Variants in ARSJ observed in about 807,000 individuals in gnomAD.
ARSJ encodes the protein arylsulfatase family member J.
ARSJ carries 26 observed loss-of-function variants against 35.9 expected under a neutral mutation model. That is an observed-to-expected ratio of 0.72 (90% CI 0.53 to 1.00). The LOEUF (loss-of-function observed/expected upper bound fraction) is 1.00. Among genes scored for constraint, ARSJ ranks in the 50% least tolerant of loss-of-function variants. The pLI is 0.00. For synonymous variants in ARSJ, 294 were observed against 267.6 expected, an observed-to-expected ratio of 1.10 and a Z score of -0.96; for missense variants, 667 against 723.6, an observed-to-expected ratio of 0.92 and a Z score of 0.90.
At chr4:113,962,945 A>C (rs1213640389) in intron 1 of ARSJ, among the ~76,000 whole-genome samples, 1 of 151,988 alleles carries the variant, frequency 6.6e-6, no homozygotes, top group Non-Finnish European at 1.5e-5. Context: ...GCTGTCCTGT[A>C]ATGGTACTTG....
In ARSJ at chr4:113,902,011, A is replaced by G; in HGVS notation, c.*263T>C. On this transcript the variant is annotated 3_prime_UTR_variant, in exon 2 of 2. Transcript: ENST00000315366. ...CTGAAGCACAGCAGTGGAACTCAGG[A>G]CTCACCACGTTTTCTAAAGGAGCAA... 1 of 957,322 alleles carries G rather than the reference A, an allele frequency of 1.0e-6. No homozygotes were observed. The highest frequency in any genetic ancestry group is 3.1e-5 in the East Asian group (1 of 31,760). The allele number at this position is 957,322 out of a possible 1,614,324, so 59.3% of individuals were successfully genotyped here. A position where few individuals can be genotyped will look rare whatever the true frequency, so the allele number is the denominator to read the frequency against.
At chr4:113,975,308 C>G (rs186634149) in intron 1 of ARSJ, among the ~76,000 whole-genome samples, 1 of 152,102 alleles carries the variant, frequency 6.6e-6, no homozygotes. Context: ...AGTAAAAACA[C>G]AAAATTACTA....
intron 1 of ARSJ, among the ~76,000 whole-genome samples, chr4:113,935,423 G>A (rs537193884): frequency 1.5e-4 from 23 of 151,824 alleles, no homozygotes; most frequent in Non-Finnish European, 3.1e-4. Flanking sequence ...ATATAAAAAG[G>A]AGCTAAATAA....
chr4:113,924,880 C>A (rs1184235345), intron 1 of ARSJ, among the ~76,000 whole-genome samples: 1 of 152,158 alleles, frequency 6.6e-6, no homozygotes, highest in Non-Finnish European at 1.5e-5. Flanking sequence ...TCTTCTACTA[C>A]ACATTCTGTA....
Position 113,902,412 on chromosome 4 carries a change from C to T in ARSJ, c.1662G>A (p.Trp554Ter). ...PRLNGGVWGPWYKEETKKKKP... is the reference protein window; with the variant it reads ...PRLNGGVWGP ...TCTTTTTCTTGGTTTCCTCTTTATA[C>T]CATGGTCCCCAGACCCCTCCATTGA... Residue 554 changes from tryptophan (W) to a stop codon, truncating the protein, a stop_gained, in exon 2 of 2, where the codon TGG (tryptophan) becomes TGA (stop). Coordinates refer to ENST00000315366, the MANE Select transcript of ARSJ (RefSeq NM_024590.4). LOFTEE classifies it low-confidence loss of function (END_TRUNC). The T allele has an allele frequency of 6.2e-7, 1 of 1,613,902 alleles. No homozygotes were observed. The highest frequency in any genetic ancestry group is 8.5e-7 in the Non-Finnish European group (1 of 1,179,964).
intron 1 of ARSJ, among the ~76,000 whole-genome samples, chr4:113,929,556 C>T (rs1159890263): frequency 6.6e-6 from 1 of 152,122 alleles, no homozygotes; most frequent in African/African-American, 2.4e-5. Flanking sequence ...CATCCCCATT[C>T]CAAGTTGCAG....
intron 1 of ARSJ, among the ~76,000 whole-genome samples, chr4:113,969,516 A>G (rs895656684): frequency 6.6e-6 from 1 of 152,206 alleles, no homozygotes; most frequent in Non-Finnish European, 1.5e-5. Context: ...TTTACTTTAA[A>G]ATTACATAAT....
chr4:113,927,842 T>C lies in ARSJ; in HGVS notation c.399-24167A>G, dbSNP rs147661754. Reference sequence around the variant, plus strand: ...TTCAAGTCCTTGATGGTGACACTAATCTCTGCAATCCATCCAGGGATACAA... The same window carrying C: ...TTCAAGTCCTTGATGGTGACACTAACCTCTGCAATCCATCCAGGGATACAA... On this transcript the variant is annotated intron_variant, in intron 1 of 1. Transcript: ENST00000315366. Among the ~76,000 whole-genome samples the C allele has an allele frequency of 4.9e-3, 739 of 152,230 alleles. 8 individuals are homozygous for C. The highest frequency in any genetic ancestry group is 0.016 in the African/African-American group (649 of 41,556).
intron 1 of ARSJ, among the ~76,000 whole-genome samples, chr4:113,928,088 C>G (rs1222152916): frequency 6.6e-6 from 1 of 152,122 alleles, no homozygotes; most frequent in Admixed American, 6.6e-5. Flanking sequence ...CAGACCTGAG[C>G]TAAAATCCCA....
intron 1 of ARSJ, among the ~76,000 whole-genome samples, chr4:113,933,179 C>T (rs561879436): frequency 4.0e-5 from 6 of 151,688 alleles, no homozygotes; most frequent in Non-Finnish European, 5.9e-5. Context: ...AAAATGTCAA[C>T]AAACCTATAG....
chr4:113,969,215 C>G (rs1727084005), intron 1 of ARSJ, among the ~76,000 whole-genome samples: 1 of 152,118 alleles, frequency 6.6e-6, no homozygotes, highest in Non-Finnish European at 1.5e-5. Context: ...ACATGACAAC[C>G]AACAACAACT....
chr4:113,931,419 G>T (rs1724441503), intron 1 of ARSJ, among the ~76,000 whole-genome samples: 1 of 151,984 alleles, frequency 6.6e-6, no homozygotes, highest in Admixed American at 6.6e-5. Flanking sequence ...GAAGAAGGAG[G>T]TTATTTGAGC....
At chr4:113,914,471 C>T (rs1046920550) in intron 1 of ARSJ, among the ~76,000 whole-genome samples, 1 of 80,804 alleles carries the variant, frequency 1.2e-5, no homozygotes, top group Admixed American at 1.4e-4. Context: ...TTCCAGAAAA[C>T]AGCCCAACAA....
chr4:113,962,596 G>T (rs951315926), intron 1 of ARSJ, among the ~76,000 whole-genome samples: 2 of 150,344 alleles, frequency 1.3e-5, no homozygotes, highest in African/African-American at 4.9e-5. Flanking sequence ...TGCTCTATCT[G>T]CAGAATATAC....
Position 113,978,818 on chromosome 4 carries a change from C to A in ARSJ, c.17G>T (p.Cys6Phe). Residue 6 changes from cysteine to phenylalanine, a missense_variant, in exon 1 of 2, where the codon TGT becomes TTT. Cys to Phe is a radical substitution (Grantham distance 205, BLOSUM62 -2). Coordinates refer to ENST00000315366, the MANE Select transcript of ARSJ (RefSeq NM_024590.4). The stretch of plus-strand genomic sequence containing the variant: ...AGAAGGCGGAGGCGGATGCCCCGCA[C>A]AGCCCCTGGGAGCCATTCACTCAGG... MAPRG[C>F]AGHPPPPSPQ... 6.2e-7 allele frequency: 1 copy of A among 1,608,334 alleles called. No individual in the cohort carries two copies.
intron 1 of ARSJ, among the ~76,000 whole-genome samples, chr4:113,972,900 T>G (rs923013594): frequency 2.6e-5 from 4 of 152,326 alleles, no homozygotes; most frequent in African/African-American, 9.6e-5. Flanking sequence ...AGTTTCTCAC[T>G]GGCACTTCTA....
chr4:113,960,249 T>C (rs1726460889), intron 1 of ARSJ, among the ~76,000 whole-genome samples: 1 of 152,092 alleles, frequency 6.6e-6, no homozygotes, highest in South Asian at 2.1e-4. Context: ...CCTATACCTG[T>C]TCTGGTATGC....
chr4:113,908,470 C>A (rs932107090), intron 1 of ARSJ, among the ~76,000 whole-genome samples: 4 of 152,038 alleles, frequency 2.6e-5, no homozygotes, highest in African/African-American at 9.7e-5. Flanking sequence ...TTTAAAAATC[C>A]ATTTTTTACA....
At chr4:113,965,481 A>G (rs1726834670) in intron 1 of ARSJ, among the ~76,000 whole-genome samples, 1 of 152,060 alleles carries the variant, frequency 6.6e-6, no homozygotes, top group African/African-American at 2.4e-5. Flanking sequence ...TACTTCTCTG[A>G]GCTTGATTTC....
Sources: allele counts gnomAD v4.1 joint callset (sites outside exome capture counted in the v4.1 genomes callset), GRCh38; gene constraint gnomAD v4.1.1; transcripts MANE v1.5; gene names NCBI Gene and HGNC (gene_info 2026-07-23, HGNC 2026-07-21).